Variants in ATP10D observed in about 807,000 individuals in gnomAD.
The protein encoded by ATP10D is phospholipid-transporting ATPase VD.
ATP10D carries 89 observed loss-of-function variants against 144.8 expected under a neutral mutation model. That is an observed-to-expected ratio of 0.61 (90% CI 0.52 to 0.73). The LOEUF (loss-of-function observed/expected upper bound fraction) is 0.73, where lower values mean the gene tolerates loss of function less well. Among genes scored for constraint, ATP10D ranks in the 30% least tolerant of loss-of-function variants. The pLI is 0.00. For missense variants in ATP10D, 1,603 were observed against 1,714.8 expected (o/e 0.93, Z 1.15); for synonymous variants, 571 against 615.1 (o/e 0.93, Z 1.06).
chr4:47,496,162 T>TC (rs1266483790), intron 1 of ATP10D, among the ~76,000 whole-genome samples: 1 of 91,042 alleles, frequency 1.1e-5, no homozygotes, highest in Non-Finnish European at 2.4e-5. Flanking sequence ...TTTTCTTTTT[T>TC]TTTTTTTTTT....
chr4:47,567,979 G>C (rs572638339), intron 15 of ATP10D, among the ~76,000 whole-genome samples: 2 of 152,322 alleles, frequency 1.3e-5, no homozygotes, highest in East Asian at 3.9e-4. Flanking sequence ...TTTGGAATTT[G>C]TTCTTAGTGA....
chr4:47,583,058 C>T (rs1720603249), intron 21 of ATP10D: 1 of 152,260 alleles, frequency 6.6e-6, no homozygotes. Context: ...AGGAGGCTCA[C>T]TTGAGCCCAA....
At chr4:47,561,639 T>C (rs905488323) in intron 14 of ATP10D, among the ~76,000 whole-genome samples, 3 of 152,194 alleles carry the variant, frequency 2.0e-5, no homozygotes, top group African/African-American at 7.2e-5. Context: ...CTTCTCTTCC[T>C]GATTTCAACT....
intron 10 of ATP10D, among the ~76,000 whole-genome samples, chr4:47,548,121 C>T (rs571805614): frequency 6.6e-6 from 1 of 152,224 alleles, no homozygotes; most frequent in African/African-American, 2.4e-5. Context: ...AACATGTTGG[C>T]TCTTGTTTAG....
chr4:47,556,772 G>T (rs1383196380), intron 11 of ATP10D: 8 of 152,056 alleles, frequency 5.3e-5, no homozygotes, highest in Admixed American at 5.2e-4. Context: ...GAGCATTTCT[G>T]AATGAGAAAA....
At chr4:47,495,082 A>G (rs1199166271) in intron 1 of ATP10D, among the ~76,000 whole-genome samples, 4 of 152,368 alleles carry the variant, frequency 2.6e-5, no homozygotes, top group African/African-American at 9.6e-5. Context: ...TTATAATTAC[A>G]TGTAATGCTT....
chr4:47,504,123 A>G (rs1044191212), intron 1 of ATP10D, among the ~76,000 whole-genome samples: 1 of 152,122 alleles, frequency 6.6e-6, no homozygotes, highest in Admixed American at 6.6e-5. Flanking sequence ...ATTCCACCCA[A>G]TGGAGAATAT....
At chr4:47,573,101 T>C in intron 18 of ATP10D, 104 bp downstream of exon 18, 1 of 1,386,508 alleles carries the variant, frequency 7.2e-7, no homozygotes, top group Non-Finnish European at 1.0e-6. Flanking sequence ...CTTTCCTTAT[T>C]GATGTATTGG....
intron 5 of ATP10D, among the ~76,000 whole-genome samples, chr4:47,531,255 G>A (rs1394851959): frequency 6.6e-6 from 1 of 152,164 alleles, no homozygotes; most frequent in Non-Finnish European, 1.5e-5. Context: ...GATAGGGTAG[G>A]GACAGGGAGG....
At chr4:47,515,240 C>A (rs1410947984) in intron 2 of ATP10D, among the ~76,000 whole-genome samples, 1 of 152,086 alleles carries the variant, frequency 6.6e-6, no homozygotes, top group Non-Finnish European at 1.5e-5. Context: ...AGATTATAGC[C>A]GTGAGCCACC....
chr4:47,588,220 G>A (rs1720877120), intron 22 of ATP10D, among the ~76,000 whole-genome samples: 1 of 152,130 alleles, frequency 6.6e-6, no homozygotes, highest in African/African-American at 2.4e-5. Context: ...TGACTAAGAA[G>A]AATACATGGG....
chr4:47,503,929 A>G (rs749035458), intron 1 of ATP10D, among the ~76,000 whole-genome samples: 5 of 151,968 alleles, frequency 3.3e-5, no homozygotes, highest in Non-Finnish European at 5.9e-5. Flanking sequence ...ATAAAATAAA[A>G]TAAAATAAAA....
At chr4:47,501,914 T>G (rs2109390605) in intron 1 of ATP10D, among the ~76,000 whole-genome samples, 1 of 152,328 alleles carries the variant, frequency 6.6e-6, no homozygotes, top group South Asian at 2.1e-4. Context: ...AATAACGTAT[T>G]ATTTTAGAAG....
chr4:47,588,107 A>G (rs1447306193), intron 22 of ATP10D, among the ~76,000 whole-genome samples: 1 of 152,162 alleles, frequency 6.6e-6, no homozygotes, highest in African/African-American at 2.4e-5. Flanking sequence ...CTCTACTACA[A>G]TCTGTAAGCA....
chr4:47,541,382 G>T (rs1338824125), intron 9 of ATP10D, among the ~76,000 whole-genome samples: 1 of 152,130 alleles, frequency 6.6e-6, no homozygotes, highest in African/African-American at 2.4e-5. Context: ...TTGATTTTCA[G>T]GCAGTCAGTA....
chr4:47,569,053 C>T lies in ATP10D; in HGVS notation c.3070C>T (p.Gln1024Ter). The change falls in exon 16 of 23, where the codon CAA becomes TAA. Residue 1024 changes from glutamine (Q) to a stop codon, truncating the protein, a stop_gained. Transcript: ENST00000273859. LOFTEE classifies it high-confidence loss of function. Reference protein sequence around the residue: ...KQFLELTSWCQAVVCCRATPL... With the variant: ...KQFLELTSWC ...GTTCCTGGAACTGACATCTTGGTGT[C>T]AAGCTGTGGTCTGCTGCCGAGCCAC... 1 of 1,614,208 alleles carries T rather than the reference C, an allele frequency of 6.2e-7. No homozygotes were observed. The highest frequency in any genetic ancestry group is 1.3e-5 in the African/African-American group (1 of 75,054).
intron 5 of ATP10D, 85 bp from the exon 6 acceptor site, chr4:47,535,424 A>G (rs1717791019): frequency 9.3e-7 from 1 of 1,078,832 alleles, no homozygotes; most frequent in South Asian, 2.0e-5. Context: ...ACTCCAAGTC[A>G]AAAACATTCA....
Position 47,591,617 on chromosome 4 carries a change from C to CTTTTGTAAAACTTTTTGGA in ATP10D, c.*247_*265dup. The CTTTTGTAAAACTTTTTGGA allele has an allele frequency of 3.1e-6, 1 of 323,254 alleles. No homozygotes were observed. Among genetic ancestry groups the CTTTTGTAAAACTTTTTGGA allele is most frequent in the Admixed American group, 4.8e-5 (1 of 20,738 alleles). The allele number at this position is 323,254 out of a possible 1,614,324, so 20.0% of individuals were successfully genotyped here. A position where few individuals can be genotyped will look rare whatever the true frequency, so the allele number is the denominator to read the frequency against. ...GAAATATTTAATTCAGAACCAAATGCTTTTGTAAAACTTTTTGGATTTTGT... is the reference window on the plus strand; with the variant it reads ...GAAATATTTAATTCAGAACCAAATGCTTTTGTAAAACTTTTTGGATTTTGTAAAACTTTTTGGATTTTGT... On this transcript the variant is annotated 3_prime_UTR_variant, in exon 23 of 23. Transcript: ENST00000273859.
rs868327915 is a variant in ATP10D, at chr4:47,584,549, C to T, written c.3754-2470C>T. 3.9e-5 allele frequency among the ~76,000 whole-genome samples: 6 copies of T among 151,984 alleles called. No homozygotes were observed. The South Asian group carries it at 6.2e-4, about 16-fold the overall frequency. ...CTGGGACTACAGGCGCCCACCACCACGCCCCGCTAATTTTGTTTTTGTATT... is the reference window on the plus strand; with the variant it reads ...CTGGGACTACAGGCGCCCACCACCATGCCCCGCTAATTTTGTTTTTGTATT... On this transcript the variant is annotated intron_variant, in intron 21 of 22. Coordinates refer to ENST00000273859, the MANE Select transcript of ATP10D (RefSeq NM_020453.4).
Sources: allele counts gnomAD v4.1 joint callset (sites outside exome capture counted in the v4.1 genomes callset), GRCh38; gene constraint gnomAD v4.1.1; transcripts MANE v1.5; gene names NCBI Gene and HGNC (gene_info 2026-07-23, HGNC 2026-07-21).